The following CCDC141 variants were observed in gnomAD, a reference collection of about 807,000 sequenced individuals.
CCDC141 encodes coiled-coil domain containing 141.
A neutral mutation model predicts 181.0 loss-of-function variants in CCDC141; 168 were observed. That is an observed-to-expected ratio of 0.93 (90% CI 0.82 to 1.05). CCDC141 has a LOEUF of 1.05. Ranked by LOEUF, CCDC141 falls within the 50% of genes least tolerant of loss-of-function variation. The pLI is 0.00. For missense variants in CCDC141, 1,902 were observed against 1,788.5 expected, an observed-to-expected ratio of 1.06 and a Z score of -1.14; for synonymous variants, 666 against 642.3, an observed-to-expected ratio of 1.04 and a Z score of -0.56.
At chr2:178,839,514 C>T (rs930006871) in intron 22 of CCDC141, among the ~76,000 whole-genome samples, 9 of 130,426 alleles carry the variant, frequency 6.9e-5, no homozygotes, top group Non-Finnish European at 1.1e-4. Context: ...GCAGAGGTTG[C>T]AGTGAGCCGA....
At chr2:178,949,776 A>C (rs954610721) in intron 5 of CCDC141, among the ~76,000 whole-genome samples, 3 of 152,156 alleles carry the variant, frequency 2.0e-5, no homozygotes, top group Non-Finnish European at 4.4e-5. Flanking sequence ...GCAGGCTGAG[A>C]ATTTCAGTTC....
intron 2 of CCDC141, among the ~76,000 whole-genome samples, chr2:178,997,620 C>T (rs1692346346): frequency 6.6e-6 from 1 of 152,144 alleles, no homozygotes. Flanking sequence ...ATTGGAGGGG[C>T]TTGAGGAAGG....
chr2:178,890,477 T>C (rs759924459), intron 8 of CCDC141, among the ~76,000 whole-genome samples: 4 of 152,162 alleles, frequency 2.6e-5, no homozygotes, highest in Non-Finnish European at 4.4e-5. Context: ...AGCCTCTTGA[T>C]TCCTGTTCAC....
chr2:179,031,760 G>A (rs2043006900), intron 2 of CCDC141, among the ~76,000 whole-genome samples: 1 of 151,988 alleles, frequency 6.6e-6, no homozygotes, highest in Non-Finnish European at 1.5e-5. Flanking sequence ...TTTTCAACAT[G>A]TTAATAAAAG....
intron 8 of CCDC141, among the ~76,000 whole-genome samples, chr2:178,891,781 C>G (rs1307180719): frequency 6.6e-6 from 1 of 151,876 alleles, no homozygotes; most frequent in Admixed American, 6.6e-5. Flanking sequence ...GGATCTCTCT[C>G]TCTCTCTCTC....
chr2:178,873,080 T>C (rs1261119569), intron 12 of CCDC141: 1 of 152,180 alleles, frequency 6.6e-6, no homozygotes, highest in Non-Finnish European at 1.5e-5. Context: ...GAACATTCAT[T>C]TGGCGAAACA....
At chr2:179,037,970 C>T (rs2043190965) in intron 2 of CCDC141, among the ~76,000 whole-genome samples, 1 of 152,110 alleles carries the variant, frequency 6.6e-6, no homozygotes, top group Non-Finnish European at 1.5e-5. Context: ...ACACTAAAAA[C>T]AGAAATACCC....
chr2:178,824,296 T>C, the CCDC141 span, among the ~76,000 whole-genome samples: 1 of 152,016 alleles, frequency 6.6e-6, no homozygotes, highest in African/African-American at 2.4e-5. Flanking sequence ...CTACAATGGA[T>C]TAGAGTCAGA....
At chr2:178,986,352 C>A (rs1005825329) in intron 2 of CCDC141, among the ~76,000 whole-genome samples, 56 of 152,212 alleles carry the variant, frequency 3.7e-4, no homozygotes, top group African/African-American at 1.3e-3. Flanking sequence ...AAACCCACAG[C>A]CAATATCATA....
chr2:178,830,992 A>G lies in CCDC141; in HGVS notation c.*3181T>C, dbSNP rs1684226359. ...GGGGAGGCCAGGTTGTAAAGGGTCT[A>G]TGAACTACTTGAGGAAATTTAAATT... On this transcript the variant is annotated 3_prime_UTR_variant, in exon 24 of 24. Coordinates refer to ENST00000443758, the MANE Select transcript of CCDC141 (RefSeq NM_173648.4). 1 of 152,210 alleles carries G rather than the reference A, an allele frequency of 6.6e-6. No homozygotes were observed. Among genetic ancestry groups the G allele is most frequent in the Non-Finnish European group, 1.5e-5 (1 of 68,058 alleles). The allele number at this position is 152,210 out of a possible 1,614,324, so 9.4% of individuals were successfully genotyped here.
rs1558940557 is a variant in CCDC141, at chr2:178,868,110, A to T, written c.2490T>A (p.Ser830=). 4 of 1,614,074 alleles carry T rather than the reference A, an allele frequency of 2.5e-6. No homozygotes were observed. Residue 830 remains serine, a synonymous_variant, in exon 16 of 24, where the codon TCT becomes TCA. Coordinates refer to ENST00000443758, the MANE Select transcript of CCDC141 (RefSeq NM_173648.4). ...AHDVQIHLRC[S]QEKQARVDHL... ...GGTCTACACGGGCTTGCTTTTCCTGAGAGCACCGGAGGTGAATCTGCACAT... is the reference window on the plus strand; with the variant it reads ...GGTCTACACGGGCTTGCTTTTCCTGTGAGCACCGGAGGTGAATCTGCACAT...
chr2:178,871,313 T>G, intron 14 of CCDC141, 114 bp downstream of exon 14: 1 of 1,242,568 alleles, frequency 8.0e-7, no homozygotes, highest in Non-Finnish European at 1.1e-6. Context: ...AAGCAATACT[T>G]TTGTTTAAAA....
intron 2 of CCDC141, among the ~76,000 whole-genome samples, chr2:179,006,767 T>G (rs994928974): frequency 6.6e-6 from 1 of 152,208 alleles, no homozygotes; most frequent in Non-Finnish European, 1.5e-5. Flanking sequence ...GTTTCCTCAC[T>G]TGGTAATGTA....
the CCDC141 span, chr2:178,817,502 TAA>T: frequency 1.1e-5 from 5 of 470,746 alleles, no homozygotes; most frequent in Non-Finnish European, 2.2e-5. Context: ...CTTCTGAAAA[TAA>T]AGACAAAACC....
At chr2:178,882,153 C>T (rs1433841619) in intron 11 of CCDC141, among the ~76,000 whole-genome samples, 1 of 151,972 alleles carries the variant, frequency 6.6e-6, no homozygotes, top group East Asian at 1.9e-4. Flanking sequence ...GGGTGGATCA[C>T]CTGAGGTTGG....
chr2:178,935,588 C>T (rs1359345181), intron 6 of CCDC141, among the ~76,000 whole-genome samples: 1 of 152,060 alleles, frequency 6.6e-6, no homozygotes, highest in Non-Finnish European at 1.5e-5. Context: ...TGAACATTCA[C>T]ATGCATGTGT....
At chr2:178,981,679 T>G (rs1160974288) in intron 2 of CCDC141, among the ~76,000 whole-genome samples, 3 of 130,426 alleles carry the variant, frequency 2.3e-5, no homozygotes, top group African/African-American at 9.0e-5. Flanking sequence ...TACATATATA[T>G]ATATAGAGAG....
chr2:178,856,877 G>A (rs1261112581), intron 17 of CCDC141, among the ~76,000 whole-genome samples: 3 of 152,106 alleles, frequency 2.0e-5, no homozygotes, highest in African/African-American at 7.2e-5. Context: ...GAGCCACCGC[G>A]CCTGGCCTCA....
At chr2:179,035,139 T>C (rs549032227) in intron 2 of CCDC141, among the ~76,000 whole-genome samples, 23 of 152,172 alleles carry the variant, frequency 1.5e-4, no homozygotes. Context: ...TTTCTGTCTA[T>C]CAAGAAACTA....
Sources: gnomAD v4.1 joint callset for allele counts (sites outside exome capture counted in the v4.1 genomes callset) on GRCh38, gnomAD v4.1.1 for gene constraint, MANE v1.5 for transcripts, NCBI Gene and HGNC (gene_info 2026-07-23, HGNC 2026-07-21) for gene names.